The following FAM135A variants were observed in gnomAD, a reference collection of about 807,000 sequenced individuals.
FAM135A encodes protein FAM135A.
FAM135A carries 79 observed loss-of-function variants against 146.8 expected under a neutral mutation model. The ratio of observed to expected loss-of-function variants is 0.54; its 90% CI spans 0.45 to 0.65. The LOEUF is 0.65. Ranked by LOEUF, FAM135A falls within the 30% of genes least tolerant of loss-of-function variation. The pLI, the probability that FAM135A is intolerant of heterozygous loss-of-function variation, is 0.00. For missense variants in FAM135A, 1,623 were observed against 1,758.2 expected (o/e 0.92, Z 1.38); for synonymous variants, 562 against 603.6 (o/e 0.93, Z 1.01).
intron 10 of FAM135A, 110 bp downstream of exon 10, chr6:70,482,264 T>C: frequency 1.9e-6 from 2 of 1,039,602 alleles, no homozygotes; most frequent in East Asian, 5.4e-5. Flanking sequence ...CTACAGTGTT[T>C]GTGTGCTTCA....
At chr6:70,496,908 G>A (rs748034652) in intron 11 of FAM135A, among the ~76,000 whole-genome samples, 2 of 152,050 alleles carry the variant, frequency 1.3e-5, no homozygotes, top group Admixed American at 6.6e-5. Flanking sequence ...GGTTACTGTA[G>A]CCTTGCAGTG....
chr6:70,466,882 A>C (rs1780563984), intron 5 of FAM135A, among the ~76,000 whole-genome samples: 1 of 152,202 alleles, frequency 6.6e-6, no homozygotes, highest in Non-Finnish European at 1.5e-5. Flanking sequence ...AGGGATGTTA[A>C]CATATCTTTT....
intron 13 of FAM135A, 131 bp from the exon 14 acceptor site, chr6:70,523,836 T>C (rs1794127957): frequency 1.3e-6 from 1 of 775,984 alleles, no homozygotes; most frequent in Non-Finnish European, 2.0e-6. Context: ...CAAGCAGCTC[T>C]CTCATAAGAA....
At chr6:70,490,032 T>C (rs557801209) in intron 10 of FAM135A, among the ~76,000 whole-genome samples, 1 of 152,310 alleles carries the variant, frequency 6.6e-6, no homozygotes, top group East Asian at 1.9e-4. Context: ...TATACTGTGG[T>C]TGTGTTTTTA....
At chr6:70,478,691 T>C (rs1303090579) in intron 8 of FAM135A, among the ~76,000 whole-genome samples, 2 of 152,154 alleles carry the variant, frequency 1.3e-5, no homozygotes, top group Non-Finnish European at 2.9e-5. Context: ...GGAAGACATA[T>C]ATTTCTCCTG....
chr6:70,542,061 C>T (rs1013865197), intron 20 of FAM135A, among the ~76,000 whole-genome samples: 31 of 152,240 alleles, frequency 2.0e-4, no homozygotes, highest in African/African-American at 7.2e-4. Context: ...CTCACTTCCT[C>T]GTTAGACGAA....
chr6:70,442,238 G>GTTTTTTTTTTTTTTTTTTTTTTTTTTT (rs147268217), intron 4 of FAM135A, among the ~76,000 whole-genome samples: 2 of 136,410 alleles, frequency 1.5e-5, no homozygotes, highest in African/African-American at 2.8e-5. Flanking sequence ...TTTCTTCATG[G>GTTTTTTTTTTTTTTTTTTTTTTTTTTT]GTTTTTTTTT....
At chr6:70,472,623 A>C (rs184510647) in intron 5 of FAM135A, among the ~76,000 whole-genome samples, 2 of 152,196 alleles carry the variant, frequency 1.3e-5, no homozygotes, top group Non-Finnish European at 2.9e-5. Context: ...AAAGTCCTTT[A>C]TAGCAAAATG....
At chr6:70,495,013 T>C (rs1233894290) in intron 11 of FAM135A, among the ~76,000 whole-genome samples, 1 of 152,194 alleles carries the variant, frequency 6.6e-6, no homozygotes, top group Non-Finnish European at 1.5e-5. Context: ...AAGTTTCAGC[T>C]TATGTCAGCT....
At chr6:70,473,909 C>G (rs1010863459) in intron 5 of FAM135A, among the ~76,000 whole-genome samples, 12 of 152,334 alleles carry the variant, frequency 7.9e-5, no homozygotes, top group Non-Finnish European at 1.6e-4. Flanking sequence ...CTCTCTCCAT[C>G]TAACTTGTGT....
At chr6:70,484,063 T>TAACAGTGTACTTCCC in intron 10 of FAM135A, among the ~76,000 whole-genome samples, 1 of 152,198 alleles carries the variant, frequency 6.6e-6, no homozygotes, top group Non-Finnish European at 1.5e-5. Context: ...CAATACTTCT[T>TAACAGTGTACTTCCC]AACAGTGTAC....
At chr6:70,479,488 T>C (rs763343244) in intron 8 of FAM135A, among the ~76,000 whole-genome samples, 1 of 152,190 alleles carries the variant, frequency 6.6e-6, no homozygotes, top group Non-Finnish European at 1.5e-5. Flanking sequence ...TATCTAACAC[T>C]GTTGCTGCTA....
chr6:70,502,718 G>C lies in FAM135A; in HGVS notation c.956G>C (p.Gly319Ala). The change falls in exon 12 of 22, where the codon GGA (glycine) becomes GCA (alanine). Residue 319 changes from glycine to alanine, a missense_variant. Coordinates refer to ENST00000418814, the MANE Select transcript of FAM135A (RefSeq NM_001162529.3). The stretch of plus-strand genomic sequence containing the variant: ...TGCTCACTTTTGATGGCTTTATGGG[G>C]ACAGTTTCTGGAAGTTATAACGCTA... ...QLCSLLMALW[G>A]QFLEVITLHE... The C allele has an allele frequency of 6.2e-7, 1 of 1,613,294 alleles. No individual in the cohort carries two copies. Among genetic ancestry groups the C allele is most frequent in the Non-Finnish European group, 8.5e-7 (1 of 1,179,592 alleles).
At chr6:70,549,400 T>C (rs1327293488) in intron 20 of FAM135A, among the ~76,000 whole-genome samples, 2 of 152,118 alleles carry the variant, frequency 1.3e-5, no homozygotes, top group Non-Finnish European at 2.9e-5. Context: ...AATACTATAA[T>C]CTCAGTTATA....
chr6:70,464,658 C>CTTTTTTTTTTTTTTTTTTT lies in FAM135A; in HGVS notation c.158-10744_158-10743insTTTTTTTTTTTTTTTTTTT, dbSNP rs754818109. 3.1e-4 allele frequency among the ~76,000 whole-genome samples: 31 copies of CTTTTTTTTTTTTTTTTTTT among 100,428 alleles called. 2 individuals are homozygous for CTTTTTTTTTTTTTTTTTTT. The highest frequency in any genetic ancestry group is 1.1e-3 in the African/African-American group (29 of 26,692). The allele number at this position is 100,428 out of a possible 152,430, so 65.9% of individuals were successfully genotyped here. ...TTTAAATTTCTTTCTTTCTTTCTTT[C>CTTTTTTTTTTTTTTTTTTT]TTTTTTTTCTTTTTTTTTTTTTTTT... On this transcript the variant is annotated intron_variant, in intron 5 of 21. Transcript: ENST00000418814.
At chr6:70,457,021 G>A (rs1392786970) in intron 5 of FAM135A, among the ~76,000 whole-genome samples, 4 of 152,170 alleles carry the variant, frequency 2.6e-5, no homozygotes, top group Admixed American at 1.3e-4. Context: ...CTAAAGTCAG[G>A]TGTGTCATTC....
chr6:70,499,090 C>T (rs1420390984), intron 11 of FAM135A, among the ~76,000 whole-genome samples: 1 of 152,054 alleles, frequency 6.6e-6, no homozygotes, highest in Non-Finnish European at 1.5e-5. Flanking sequence ...AAGACTCCTA[C>T]TATTATTGTG....
intron 20 of FAM135A, among the ~76,000 whole-genome samples, chr6:70,547,357 A>T (rs1799037381): frequency 6.6e-6 from 1 of 152,228 alleles, no homozygotes; most frequent in African/African-American, 2.4e-5. Context: ...ATGAGTAAAA[A>T]TAAGAATAGT....
intron 4 of FAM135A, among the ~76,000 whole-genome samples, chr6:70,429,797 C>T (rs1025267126): frequency 6.6e-6 from 1 of 151,936 alleles, no homozygotes; most frequent in Non-Finnish European, 1.5e-5. Flanking sequence ...ACCTAGGAAA[C>T]AGTTTAGAGG....
Sources: gnomAD v4.1 joint callset for allele counts (sites outside exome capture counted in the v4.1 genomes callset) on GRCh38, gnomAD v4.1.1 for gene constraint, MANE v1.5 for transcripts, NCBI Gene and HGNC (gene_info 2026-07-23, HGNC 2026-07-21) for gene names.